The following WDFY4 variants were observed in gnomAD, a reference collection of about 807,000 sequenced individuals.
WDFY4 encodes the protein WDFY family member 4, also known as WD repeat- and FYVE domain-containing protein 4.
In WDFY4, 169 loss-of-function variants were observed where a neutral mutation model predicts 351.9. The observed-to-expected ratio is 0.48, with a 90% confidence interval of 0.42 to 0.55. The LOEUF (loss-of-function observed/expected upper bound fraction) is 0.55. WDFY4 is among the 20% of genes least tolerant of loss of function. The pLI is 0.00. For missense variants in WDFY4, 3,803 were observed against 3,935.6 expected, an observed-to-expected ratio of 0.97 and a Z score of 0.90; for synonymous variants, 1,622 against 1,574.6, an observed-to-expected ratio of 1.03 and a Z score of -0.71.
rs912808341 is a variant in WDFY4 at position 48,981,486 on chromosome 10, C to A, written c.9488+8C>A. On this transcript the variant is annotated splice_region_variant and intron_variant, in intron 61 of 61. Coordinates refer to ENST00000325239, the MANE Select transcript of WDFY4 (RefSeq NM_001394531.1). Reference sequence around the variant, plus strand: ...TGCTCTGGCCGTGTCCAGGTAAGCGCGGCCTTGTTTCTCTGGGTCTCCAGC... The same window carrying A: ...TGCTCTGGCCGTGTCCAGGTAAGCGAGGCCTTGTTTCTCTGGGTCTCCAGC... 1 of 1,551,280 alleles carries A rather than the reference C, an allele frequency of 6.4e-7. No homozygotes were observed. The highest frequency in any genetic ancestry group is 1.2e-5 in the South Asian group (1 of 84,052).
chr10:48,828,231 A>G (rs2068069413), intron 36 of WDFY4, among the ~76,000 whole-genome samples: 2 of 152,226 alleles, frequency 1.3e-5, no homozygotes, highest in Non-Finnish European at 2.9e-5. Flanking sequence ...CTGTGTCCCC[A>G]CTTACAACTG....
At chr10:48,815,670 G>A (rs577675997) in intron 31 of WDFY4, among the ~76,000 whole-genome samples, 3 of 151,968 alleles carry the variant, frequency 2.0e-5, no homozygotes, top group Non-Finnish European at 2.9e-5. Flanking sequence ...TGTTGGCCAG[G>A]CTCAGAAGTG....
chr10:48,974,890 C>T lies in WDFY4; in HGVS notation c.8957C>T (p.Thr2986Met), dbSNP rs576185023. The T allele has an allele frequency of 1.5e-4, 227 of 1,549,848 alleles. No homozygotes were observed. Among genetic ancestry groups the T allele is most frequent in the Non-Finnish European group, 1.8e-4 (208 of 1,145,848 alleles). The stretch of plus-strand genomic sequence containing the variant: ...TTGTATGGACACACACAGGCTGTCA[C>T]GTGCCTGGCAGCGTCAGTCACCTTC... ...QALYGHTQAV[T>M]CLAASVTFSL... is the part of the protein sequence containing the mutation. Residue 2986 changes from threonine to methionine, a missense_variant, in exon 58 of 62, where the codon ACG (threonine) becomes ATG (methionine). Transcript: ENST00000325239.
In WDFY4 at chr10:48,788,594, C is replaced by T. The variant is rs1346596982; in HGVS notation, c.3873C>T (p.His1291=). The change falls in exon 21 of 62, where the codon CAC becomes CAT. Residue 1291 remains histidine, a synonymous_variant. Coordinates refer to ENST00000325239, the MANE Select transcript of WDFY4 (RefSeq NM_001394531.1). ...VAEERVSFGL[H]IASSSITSVA... ...AAGAAAGAGTTTCTTTTGGACTTCA[C>T]ATAGCCAGCTCCTCTATCACCAGTG... The T allele has an allele frequency of 1.3e-6, 2 of 1,551,868 alleles. No homozygotes were observed.
chr10:48,901,890 G>A, intron 47 of WDFY4, 27 bp downstream of exon 47: 1 of 1,544,014 alleles, frequency 6.5e-7, no homozygotes, highest in South Asian at 1.2e-5. Flanking sequence ...ATGCTGTCTG[G>A]GCATGGCACT....
chr10:48,923,975 C>T (rs1839349590), intron 47 of WDFY4, among the ~76,000 whole-genome samples: 1 of 152,188 alleles, frequency 6.6e-6, no homozygotes, highest in African/African-American at 2.4e-5. Context: ...GAGAAGAAGC[C>T]CTCCCAGCTC....
At chr10:48,854,935 T>G (rs114384342) in intron 39 of WDFY4, among the ~76,000 whole-genome samples, 1,623 of 152,346 alleles carry the variant, frequency 0.011, 26 homozygotes, top group African/African-American at 0.037. Flanking sequence ...GGCTTTTGCC[T>G]TAGATGTAGA....
intron 51 of WDFY4, among the ~76,000 whole-genome samples, chr10:48,954,487 G>A (rs181120253): frequency 6.6e-6 from 1 of 152,162 alleles, no homozygotes; most frequent in African/African-American, 2.4e-5. Flanking sequence ...AATTGTGCTG[G>A]TTTATTTCAT....
intron 46 of WDFY4, among the ~76,000 whole-genome samples, chr10:48,901,418 A>G (rs894141632): frequency 6.6e-6 from 1 of 152,204 alleles, no homozygotes; most frequent in Non-Finnish European, 1.5e-5. Context: ...AGACTCCACA[A>G]CCACTACCCA....
intron 12 of WDFY4, among the ~76,000 whole-genome samples, chr10:48,757,265 G>T (rs1359108061): frequency 1.3e-5 from 2 of 152,066 alleles, no homozygotes; most frequent in Non-Finnish European, 2.9e-5. Context: ...TTGGCCATTT[G>T]TCCTTTCAGA....
intron 1 of WDFY4, among the ~76,000 whole-genome samples, chr10:48,705,785 C>T (rs2063611458): frequency 6.6e-6 from 1 of 152,230 alleles, no homozygotes. Flanking sequence ...TGGGCGGTTT[C>T]TGATCCTTTC....
rs533088770 is a variant in WDFY4, at chr10:48,968,828, C to G, written c.8585-236C>G. On this transcript the variant is annotated intron_variant, in intron 55 of 61. Coordinates refer to ENST00000325239, the MANE Select transcript of WDFY4 (RefSeq NM_001394531.1). ...GAGCTGAGGGAGGATGGGAATTGTG[C>G]CTCCCTGTGACTCCTGCCCCGGGGC... The G allele has an allele frequency of 1.7e-3, 873 of 518,734 alleles. 2 individuals are homozygous for G. The highest frequency in any genetic ancestry group is 2.4e-3 in the Non-Finnish European group (691 of 286,952). The allele number at this position is 518,734 out of a possible 1,614,324, so 32.1% of individuals were successfully genotyped here.
At chr10:48,893,437 T>G (rs1836915512) in intron 44 of WDFY4, among the ~76,000 whole-genome samples, 1 of 152,248 alleles carries the variant, frequency 6.6e-6, no homozygotes, top group Non-Finnish European at 1.5e-5. Flanking sequence ...GGCAGAGAAT[T>G]TGATTAACTT....
intron 2 of WDFY4, among the ~76,000 whole-genome samples, chr10:48,717,433 C>T (rs956686756): frequency 1.3e-5 from 2 of 152,182 alleles, no homozygotes; most frequent in African/African-American, 4.8e-5. Flanking sequence ...TTGTTCAAAA[C>T]ACATGAGTAC....
intron 20 of WDFY4, among the ~76,000 whole-genome samples, chr10:48,788,123 G>A (rs528824006): frequency 4.0e-5 from 6 of 151,664 alleles, no homozygotes; most frequent in African/African-American, 1.5e-4. Context: ...TGCCTCCCCG[G>A]TTCAAGCCAT....
intron 41 of WDFY4, among the ~76,000 whole-genome samples, chr10:48,874,317 T>G (rs956636143): frequency 4.6e-5 from 7 of 152,232 alleles, no homozygotes; most frequent in African/African-American, 1.7e-4. Context: ...AGAAGCCAGT[T>G]GGATTCATTT....
chr10:48,970,673 C>G (rs917290024), intron 57 of WDFY4, among the ~76,000 whole-genome samples: 1 of 152,182 alleles, frequency 6.6e-6, no homozygotes, highest in Non-Finnish European at 1.5e-5. Context: ...CACAAGTTGG[C>G]CTTTATGCCA....
chr10:48,833,723 G>T (rs1435613917), intron 39 of WDFY4, among the ~76,000 whole-genome samples: 1 of 152,216 alleles, frequency 6.6e-6, no homozygotes, highest in East Asian at 1.9e-4. Context: ...GGTGGACTGT[G>T]GTTTTTGCTA....
At position 48,877,774 on chromosome 10, in the gene WDFY4, G is replaced by T. The variant is rs75416314; in HGVS notation, c.7167+575G>T. On this transcript the variant is annotated intron_variant, in intron 43 of 61. Transcript: ENST00000325239. ...CAGGAGGCAGGCTGGGGACCAGGTG[G>T]CAGGGAAACCCGGGGTCCTGGGTGC... is the stretch of plus-strand genomic sequence containing the variant. 7.4e-4 allele frequency among the ~76,000 whole-genome samples: 113 copies of T among 152,254 alleles called. 1 individual carries two copies. In the East Asian group the frequency reaches 8.9e-3, roughly 12 times the overall value.
Sources: allele counts gnomAD v4.1 joint callset (sites outside exome capture counted in the v4.1 genomes callset), GRCh38; gene constraint gnomAD v4.1.1; transcripts MANE v1.5; gene names NCBI Gene and HGNC (gene_info 2026-07-23, HGNC 2026-07-21).